The following UBR4 variants were observed in gnomAD, a reference collection of about 807,000 sequenced individuals.
UBR4 encodes the protein E3 ubiquitin-protein ligase UBR4.
A neutral mutation model predicts 575.6 loss-of-function variants in UBR4; 124 were observed. The observed-to-expected ratio is 0.22, with a 90% CI of 0.19 to 0.25. UBR4 has a LOEUF of 0.25. UBR4 is among the 10% of genes least tolerant of loss of function. UBR4 has a pLI of 1.00. For missense variants in UBR4, 4,818 were observed against 6,478.8 expected (o/e 0.74, Z 8.80); for synonymous variants, 2,455 against 2,473.7 (o/e 0.99, Z 0.22).
chr1:19,094,880 A>G (rs2148913638), intron 94 of UBR4, 26 bp downstream of exon 94: 1 of 1,611,652 alleles, frequency 6.2e-7, no homozygotes, highest in South Asian at 1.1e-5. Context: ...CAGTGCCTGC[A>G]GATGGAGGGG....
rs2077256280 is a variant in UBR4, at chr1:19,088,846, A to T, written c.14343T>A (p.Ile4781=). The change falls in exon 98 of 106, where the codon ATT becomes ATA. Residue 4781 remains isoleucine, a synonymous_variant. Transcript: ENST00000375254. This position sits in a 1 kb window ranked among gnomAD's most constrained non-coding sequence, Gnocchi z 4.0. ...LREHPDVNKK[I]DAARRETRAE... ...CCCGGGTCTCCCTGCGGGCTGCGTC[A>T]ATCTTCTTGTTTACGTCAGGGTGTT... is the stretch of plus-strand genomic sequence containing the variant. The T allele has an allele frequency of 1.2e-6, 2 of 1,613,954 alleles. No homozygotes were observed.
intron 104 of UBR4, 121 bp downstream of exon 104, chr1:19,077,855 A>T: frequency 6.4e-7 from 1 of 1,567,270 alleles, no homozygotes. Context: ...TTTCTAGGAA[A>T]AAAGCGCCCC....
chr1:19,158,216 C>T (rs1266478255), intron 39 of UBR4, among the ~76,000 whole-genome samples: 4 of 152,074 alleles, frequency 2.6e-5, no homozygotes, highest in Non-Finnish European at 4.4e-5. Context: ...AACTTAAATA[C>T]AAAGTACTGG....
At chr1:19,193,663 T>C (rs1571710763) in intron 8 of UBR4, 106 bp from the exon 9 acceptor site, 3 of 1,402,990 alleles carry the variant, frequency 2.1e-6, no homozygotes, top group East Asian at 2.4e-5. Context: ...ATGATTTGAC[T>C]ACTTAAAATA....
At chr1:19,160,323 AAG>A in intron 38 of UBR4, 42 bp from the exon 39 acceptor site, 1 of 1,493,856 alleles carries the variant, frequency 6.7e-7, no homozygotes, top group Non-Finnish European at 9.0e-7. Flanking sequence ...AAAAAAAAAA[AAG>A]AAAAACAATG....
intron 17 of UBR4, among the ~76,000 whole-genome samples, chr1:19,179,481 A>G (rs1169714887): frequency 6.6e-6 from 1 of 152,234 alleles, no homozygotes; most frequent in Non-Finnish European, 1.5e-5. Flanking sequence ...TCCTGAAAAA[A>G]GAGAAAAGCA....
Position 19,106,562 on chromosome 1 carries a change from C to A in UBR4, c.12393+7G>T. On this transcript the variant is annotated splice_region_variant and intron_variant, in intron 83 of 105. Transcript: ENST00000375254. ...AGGGGGTGAAGAGTCCAGAAGTGGCCACTCACTTGTCGCAGCCAGTTGTTA... is the reference window on the plus strand; with the variant it reads ...AGGGGGTGAAGAGTCCAGAAGTGGCAACTCACTTGTCGCAGCCAGTTGTTA... 6.4e-7 allele frequency: 1 copy of A among 1,553,640 alleles called. No individual in the cohort carries two copies. Among genetic ancestry groups the A allele is most frequent in the Non-Finnish European group, 8.7e-7 (1 of 1,151,646 alleles).
intron 78 of UBR4, 162 bp downstream of exon 78, chr1:19,112,362 G>T: frequency 1.3e-6 from 1 of 779,450 alleles, no homozygotes; most frequent in Non-Finnish European, 2.0e-6. Flanking sequence ...CCCCAAGCTC[G>T]CTCACCTACA....
In UBR4 at chr1:19,114,814, C is replaced by T. The variant is rs1450920224; in HGVS notation, c.11199G>A (p.Lys3733=). 6.2e-7 allele frequency: 1 copy of T among 1,614,150 alleles called. No individual in the cohort carries two copies. The highest frequency in any genetic ancestry group is 1.7e-5 in the Admixed American group (1 of 60,024). Residue 3733 remains lysine (K), a synonymous_variant, in exon 75 of 106, where the codon AAG becomes AAA. Coordinates refer to ENST00000375254, the MANE Select transcript of UBR4 (RefSeq NM_020765.3). ...TCTAGGCCAGATCTGGCCTCACCTT[C>T]TTCCGGTCTTCTTCATTCTCAATGG... The part of the protein sequence containing the change: ...VDPIENEEDR[K]KAVSNINTLL...
chr1:19,148,516 T>C lies in UBR4; in HGVS notation c.7494+47A>G, dbSNP rs764013916. The C allele has an allele frequency of 6.0e-5, 97 of 1,612,296 alleles. No homozygotes were observed. In the Admixed American group the frequency reaches 1.6e-3, roughly 26 times the overall value. On this transcript the variant is annotated intron_variant, in intron 50 of 105. Transcript: ENST00000375254. ...AGGGCCTCGGGCAACTCCACTGACT[T>C]CCTGCCTCTTCAGAAAGCTTCCATG...
At chr1:19,207,509 A>G (rs2093069558) in intron 1 of UBR4, among the ~76,000 whole-genome samples, 1 of 152,162 alleles carries the variant, frequency 6.6e-6, no homozygotes, top group Admixed American at 6.5e-5. Flanking sequence ...CACATCTATA[A>G]TCCCAGCTAC....
At position 19,089,002 on chromosome 1, in the gene UBR4, A is replaced by G. The variant is rs867688136; in HGVS notation, c.14212-25T>C. 3.7e-6 allele frequency: 6 copies of G among 1,609,334 alleles called. No homozygotes were observed. In the Middle Eastern group the frequency reaches 8.3e-4, roughly 222 times the overall value. On this transcript the variant is annotated intron_variant, in intron 97 of 105. Transcript: ENST00000375254. This position sits in a 1 kb window ranked among gnomAD's most constrained non-coding sequence, Gnocchi z 4.3. ...CCTGCCAGTAAGAGACCAGAGAGACACATGCCTCCAATTATGTAGACAAAC... is the reference window on the plus strand; with the variant it reads ...CCTGCCAGTAAGAGACCAGAGAGACGCATGCCTCCAATTATGTAGACAAAC...
At chr1:19,180,649 G>A (rs911989124) in intron 17 of UBR4, among the ~76,000 whole-genome samples, 4 of 151,646 alleles carry the variant, frequency 2.6e-5, no homozygotes, top group South Asian at 2.1e-4. Context: ...ATCAAGGGGC[G>A]TACCTAGCCA....
intron 78 of UBR4, 88 bp downstream of exon 78, chr1:19,112,436 A>G: frequency 7.0e-7 from 1 of 1,433,510 alleles, no homozygotes; most frequent in Non-Finnish European, 9.5e-7. Flanking sequence ...GGTCAGAAGC[A>G]CTATTCTGTG....
In UBR4 at chr1:19,096,512, C is replaced by T; in HGVS notation, c.13518+11G>A. The T allele has an allele frequency of 3.1e-6, 5 of 1,611,460 alleles. No individual in the cohort carries two copies. The highest frequency in any genetic ancestry group is 4.2e-6 in the Non-Finnish European group (5 of 1,178,846). On this transcript the variant is annotated intron_variant, in intron 92 of 105. Coordinates refer to ENST00000375254, the MANE Select transcript of UBR4 (RefSeq NM_020765.3). ...AAGGCTGGCCCCCACAACTTGCTGC[C>T]CCCAACTCACTGTTAGAAGGTGGCG...
rs747826485 is a variant in UBR4, at chr1:19,192,525, T to C, written c.1159A>G (p.Met387Val). The C allele has an allele frequency of 6.2e-7, 1 of 1,614,228 alleles. No individual in the cohort carries two copies. Among genetic ancestry groups the C allele is most frequent in the Admixed American group, 1.7e-5 (1 of 60,028 alleles). ...GAACTGCTGATTGCTTGTCCAATCA[T>C]GTCATAGATTTCGAGCTGTACAATA... ...IVQKCLEIYD[M>V]IGQAISSSRR... Residue 387 changes from methionine to valine, a missense_variant, in exon 10 of 106, where the codon ATG becomes GTG. Around this residue, in one of 29 missense-constraint regions of UBR4, gnomAD observed 131 missense variants for 214.5 expected, o/e 0.61. Coordinates refer to ENST00000375254, the MANE Select transcript of UBR4 (RefSeq NM_020765.3).
intron 40 of UBR4, 34 bp from the exon 41 acceptor site, chr1:19,156,959 C>A: frequency 6.2e-7 from 1 of 1,602,230 alleles, no homozygotes; most frequent in Non-Finnish European, 8.5e-7. Context: ...TATTCCTACT[C>A]CTGGTCCTCT....
At chr1:19,125,034 A>G (rs2149551027) in intron 64 of UBR4, among the ~76,000 whole-genome samples, 1 of 152,238 alleles carries the variant, frequency 6.6e-6, no homozygotes, top group Non-Finnish European at 1.5e-5. Context: ...AGAAAAAGGG[A>G]GTAAGGATCT....
At position 19,174,984 on chromosome 1, in the gene UBR4, T is replaced by C. The variant is rs150579943; in HGVS notation, c.2823A>G (p.Ser941=). The C allele has an allele frequency of 2.2e-5, 36 of 1,613,906 alleles. No individual in the cohort carries two copies. The highest frequency in any genetic ancestry group is 1.3e-5 in the Non-Finnish European group (15 of 1,179,928). Residue 941 remains serine (S), a synonymous_variant, in exon 21 of 106, where the codon TCA becomes TCG. Transcript: ENST00000375254. ...AATCAAGTCGGTTCAAATCATCCTC[T>C]GAGGCTTCTGGGGACAGGACACAGT... ...RFYCVLSPEA[S]EDDLNRLDSV... is the part of the protein sequence containing the mutation.
Sources: allele counts gnomAD v4.1 joint callset (sites outside exome capture counted in the v4.1 genomes callset), GRCh38; gene constraint gnomAD v4.1.1; regional missense constraint gnomAD v4.1.1; non-coding constraint Gnocchi (gnomAD v3.1); transcripts MANE v1.5; gene names NCBI Gene and HGNC (gene_info 2026-07-23, HGNC 2026-07-21).